The following PRKCZ variants were observed in gnomAD, a reference collection of about 807,000 sequenced individuals.
PRKCZ encodes the protein protein kinase C zeta type.
A neutral mutation model predicts 79.5 loss-of-function variants in PRKCZ; 33 were observed. That is an observed-to-expected ratio of 0.41 (90% CI 0.31 to 0.55). The LOEUF (loss-of-function observed/expected upper bound fraction) is 0.55, where lower values mean the gene tolerates loss of function less well. Among genes scored for constraint, PRKCZ ranks in the 20% least tolerant of loss-of-function variants. PRKCZ has a pLI of 0.19. For synonymous variants in PRKCZ, 342 were observed against 320.9 expected (o/e 1.07, Z -0.70); for missense variants, 578 against 813.5 (o/e 0.71, Z 3.52).
chr1:2,134,509 A>T (rs1052015099), intron 4 of PRKCZ, among the ~76,000 whole-genome samples: 1 of 152,218 alleles, frequency 6.6e-6, no homozygotes, highest in African/African-American at 2.4e-5. Context: ...TTGAGGAAGG[A>T]CAAGACCAGC....
At chr1:2,157,267 C>T (rs959233641) in intron 10 of PRKCZ, among the ~76,000 whole-genome samples, 2 of 152,174 alleles carry the variant, frequency 1.3e-5, no homozygotes, top group Non-Finnish European at 2.9e-5. Flanking sequence ...AACAGGCATG[C>T]CCGGAAGTCA....
chr1:2,161,437 C>T (rs2103362318), intron 10 of PRKCZ, among the ~76,000 whole-genome samples: 1 of 152,338 alleles, frequency 6.6e-6, no homozygotes, highest in East Asian at 1.9e-4. Context: ...GACAGCTGCG[C>T]ATGCATCCTC....
rs927957225 is a variant in PRKCZ at position 2,082,156 on chromosome 1, G to T, written c.334+22565G>T. The T allele has an allele frequency of 2.6e-5, 9 of 341,196 alleles. No individual in the cohort carries two copies. Among genetic ancestry groups the T allele is most frequent in the African/African-American group, 1.1e-4 (5 of 46,406 alleles). The allele number at this position is 341,196 out of a possible 1,614,324, so 21.1% of individuals were successfully genotyped here. A position where few individuals can be genotyped will look rare whatever the true frequency, so the allele number is the denominator to read the frequency against. On this transcript the variant is annotated intron_variant, in intron 4 of 17. Transcript: ENST00000378567. The surrounding 1 kb of genome is among the most constrained non-coding windows in gnomAD (Gnocchi z 4.4). ...AGGGCGGACGTGGTCAGGGGTGCTG[G>T]ACGCGTCAGACGGGTTCTTTGCAGC...
At chr1:2,069,152 G>A (rs1032642819) in intron 4 of PRKCZ, among the ~76,000 whole-genome samples, 1 of 152,176 alleles carries the variant, frequency 6.6e-6, no homozygotes, top group South Asian at 2.1e-4. Flanking sequence ...GCGACCCCCG[G>A]CACCTCCGTC....
At chr1:2,107,384 C>T (rs1167550095) in intron 4 of PRKCZ, among the ~76,000 whole-genome samples, 1 of 152,218 alleles carries the variant, frequency 6.6e-6, no homozygotes, top group Non-Finnish European at 1.5e-5. Flanking sequence ...TCAGTGGATG[C>T]GTCCTCTCTC....
intron 4 of PRKCZ, among the ~76,000 whole-genome samples, chr1:2,097,097 A>C (rs1666660697): frequency 6.6e-6 from 1 of 152,232 alleles, no homozygotes; most frequent in Non-Finnish European, 1.5e-5. Flanking sequence ...TCGCCTGCAC[A>C]GGAAGAGAGG....
At chr1:2,100,335 C>T (rs570471822) in intron 4 of PRKCZ, among the ~76,000 whole-genome samples, 12 of 152,280 alleles carry the variant, frequency 7.9e-5, no homozygotes, top group Admixed American at 2.0e-4. Flanking sequence ...CCTGGCTAAG[C>T]GGATGGCACA....
At chr1:2,077,665 C>T (rs894275339) in intron 4 of PRKCZ, among the ~76,000 whole-genome samples, 2 of 152,204 alleles carry the variant, frequency 1.3e-5, no homozygotes, top group Non-Finnish European at 2.9e-5. Context: ...GAACAGGTGT[C>T]CCTGGTCCTC....
chr1:2,119,276 G>A (rs542856622), intron 4 of PRKCZ, among the ~76,000 whole-genome samples: 6 of 147,756 alleles, frequency 4.1e-5, no homozygotes, highest in East Asian at 3.9e-4. Flanking sequence ...GTGCAAGGGC[G>A]CGATTTTGGC....
At chr1:2,068,467 C>T (rs1180893335) in intron 4 of PRKCZ, among the ~76,000 whole-genome samples, 3 of 152,256 alleles carry the variant, frequency 2.0e-5, no homozygotes, top group Non-Finnish European at 2.9e-5. Context: ...CCCTGAACCT[C>T]CCCCATGTCT....
intron 7 of PRKCZ, among the ~76,000 whole-genome samples, chr1:2,147,410 T>A (rs1403642375): frequency 7.0e-6 from 1 of 143,182 alleles, no homozygotes; most frequent in African/African-American, 2.6e-5. Context: ...TGACCTCTCC[T>A]TCCATCTATC....
chr1:2,157,790 G>A (rs1324972598), intron 10 of PRKCZ, among the ~76,000 whole-genome samples: 3 of 149,864 alleles, frequency 2.0e-5, no homozygotes, highest in African/African-American at 7.4e-5. Flanking sequence ...CTGGGCTCCT[G>A]CCTCAGCCTC....
intron 10 of PRKCZ, among the ~76,000 whole-genome samples, chr1:2,162,410 G>C (rs533753561): frequency 2.0e-5 from 3 of 151,820 alleles, no homozygotes; most frequent in African/African-American, 7.2e-5. Context: ...GGGATTACAG[G>C]TGTAAGCCAC....
intron 16 of PRKCZ, among the ~76,000 whole-genome samples, chr1:2,179,941 G>A (rs1686225143): frequency 6.6e-6 from 1 of 152,200 alleles, no homozygotes; most frequent in Non-Finnish European, 1.5e-5. Context: ...GTGACAAGAG[G>A]CCCACAGAGA....
intron 4 of PRKCZ, among the ~76,000 whole-genome samples, chr1:2,101,019 TAA>T (rs3067304): frequency 0.24 from 31,847 of 133,384 alleles, 4,213 homozygotes; most frequent in East Asian, 0.63. Context: ...TTTATTTTGT[TAA>T]AAAAAAAAAA....
chr1:2,173,430 G>T lies in PRKCZ; in HGVS notation c.1286-467G>T, dbSNP rs1017085043. 6.6e-6 allele frequency among the ~76,000 whole-genome samples: 1 copy of T among 152,170 alleles called. No homozygotes were observed. The highest frequency in any genetic ancestry group is 2.4e-5 in the African/African-American group (1 of 41,440). ...CTGTCCTTGGGCAAAACGGGTCAGGGTCTCCCACCCCTCATTCGCTGGAAC... is the reference window on the plus strand; with the variant it reads ...CTGTCCTTGGGCAAAACGGGTCAGGTTCTCCCACCCCTCATTCGCTGGAAC... On this transcript the variant is annotated intron_variant, in intron 13 of 17. Transcript: ENST00000378567. The surrounding 1 kb of genome is among the most constrained non-coding windows in gnomAD (Gnocchi z 5.7).
intron 1 of PRKCZ, among the ~76,000 whole-genome samples, chr1:2,051,407 AG>A (rs1481259299): frequency 2.0e-5 from 3 of 151,984 alleles, no homozygotes; most frequent in African/African-American, 7.3e-5. Flanking sequence ...GGCACAGCGG[AG>A]GGGTCGCTGC....
At chr1:2,163,865 C>A (rs1007490472) in intron 10 of PRKCZ, among the ~76,000 whole-genome samples, 2 of 151,962 alleles carry the variant, frequency 1.3e-5, no homozygotes, top group Admixed American at 1.3e-4. Flanking sequence ...CACCACTGCA[C>A]TCCAACCTGG....
chr1:2,146,679 G>A (rs539864244), intron 7 of PRKCZ, among the ~76,000 whole-genome samples: 13 of 152,292 alleles, frequency 8.5e-5, no homozygotes, highest in African/African-American at 2.2e-4. Context: ...ACCTCTGCAC[G>A]GGGGTGTGAG....
Sources: allele counts gnomAD v4.1 joint callset (sites outside exome capture counted in the v4.1 genomes callset), GRCh38; gene constraint gnomAD v4.1.1; non-coding constraint Gnocchi (gnomAD v3.1); transcripts MANE v1.5; gene names NCBI Gene and HGNC (gene_info 2026-07-23, HGNC 2026-07-21).